GRM7: variants seen among roughly 807,000 people sequenced by gnomAD.
GRM7 encodes metabotropic glutamate receptor 7.
GRM7 carries 35 observed loss-of-function variants against 84.5 expected under a neutral mutation model. That is an observed-to-expected ratio of 0.41 (90% CI 0.32 to 0.55). The LOEUF is 0.55. Among genes scored for constraint, GRM7 ranks in the 20% least tolerant of loss-of-function variants. The pLI, the probability that GRM7 is intolerant of heterozygous loss-of-function variation, is 0.19. For missense variants in GRM7, 1,003 were observed against 1,194.6 expected, an observed-to-expected ratio of 0.84 and a Z score of 2.36; for synonymous variants, 487 against 455.1, an observed-to-expected ratio of 1.07 and a Z score of -0.89.
At chr3:7,413,932 A>G (rs553617371) in intron 4 of GRM7, among the ~76,000 whole-genome samples, 2 of 152,192 alleles carry the variant, frequency 1.3e-5, no homozygotes, top group East Asian at 3.9e-4. Context: ...TTCCCACCAA[A>G]ATGTGAAACT....
chr3:7,561,678 T>C (rs959366517), intron 7 of GRM7: 12 of 385,240 alleles, frequency 3.1e-5, no homozygotes, highest in Admixed American at 2.9e-4. Flanking sequence ...ATTTGTCTAA[T>C]TCTCTGAAGT....
chr3:7,666,567 G>A (rs1006320897), intron 8 of GRM7, among the ~76,000 whole-genome samples: 3 of 152,120 alleles, frequency 2.0e-5, no homozygotes, highest in Non-Finnish European at 2.9e-5. Flanking sequence ...TCCTCTGCAC[G>A]ATGCAAGTCC....
At chr3:7,332,771 C>T (rs1380560085) in intron 4 of GRM7, among the ~76,000 whole-genome samples, 1 of 152,178 alleles carries the variant, frequency 6.6e-6, no homozygotes, top group Non-Finnish European at 1.5e-5. Context: ...CTGCTGCAAG[C>T]TCTGTGAGAC....
chr3:6,973,287 T>C (rs1028038974), intron 1 of GRM7, among the ~76,000 whole-genome samples: 1 of 152,138 alleles, frequency 6.6e-6, no homozygotes, highest in African/African-American at 2.4e-5. Flanking sequence ...CTTTCTTTCA[T>C]TGAGCAACTC....
chr3:7,737,671 T>A (rs1702549846), intron 9 of GRM7, among the ~76,000 whole-genome samples: 2 of 152,204 alleles, frequency 1.3e-5, no homozygotes, highest in South Asian at 4.1e-4. Flanking sequence ...TTCATTATAA[T>A]TTTGGGGCAA....
intron 1 of GRM7, among the ~76,000 whole-genome samples, chr3:7,064,479 T>TATATATGTATATATATATATATATATAC: frequency 1.0e-5 from 1 of 99,382 alleles, no homozygotes; most frequent in African/African-American, 3.9e-5. Context: ...TATATATATA[T>TATATATGTATATATATATATATATATAC]ACACACATAT....
intron 1 of GRM7, among the ~76,000 whole-genome samples, chr3:7,054,295 G>T (rs1264099774): frequency 6.8e-6 from 1 of 148,038 alleles, no homozygotes; most frequent in Non-Finnish European, 1.5e-5. Context: ...TAAAAGATAA[G>T]ATTAAAATAT....
At chr3:7,439,141 TG>T (rs1430638342) in intron 5 of GRM7, among the ~76,000 whole-genome samples, 1 of 152,188 alleles carries the variant, frequency 6.6e-6, no homozygotes, top group East Asian at 1.9e-4. Flanking sequence ...ACGTGAACAC[TG>T]TTGGAATAAA....
chr3:7,271,217 G>A (rs557686261), intron 2 of GRM7, among the ~76,000 whole-genome samples: 1 of 152,280 alleles, frequency 6.6e-6, no homozygotes, highest in African/African-American at 2.4e-5. Context: ...GTTTTAAAAT[G>A]CAGTTTGAAG....
chr3:7,425,940 A>G (rs553300852), intron 5 of GRM7, among the ~76,000 whole-genome samples: 11 of 152,208 alleles, frequency 7.2e-5, no homozygotes, highest in South Asian at 4.1e-4. Context: ...CACCGAGTAT[A>G]TATCAATAGA....
intron 4 of GRM7, among the ~76,000 whole-genome samples, chr3:7,382,743 C>A (rs1694639279): frequency 6.6e-6 from 1 of 152,140 alleles, no homozygotes; most frequent in Admixed American, 6.6e-5. Flanking sequence ...TATGGGTAAC[C>A]TAAAACAACA....
chr3:7,156,639 A>T (rs1375950997), intron 2 of GRM7, among the ~76,000 whole-genome samples: 1 of 152,224 alleles, frequency 6.6e-6, no homozygotes, highest in East Asian at 1.9e-4. Context: ...TACAAAAAAC[A>T]ACTTCAGCCT....
chr3:7,183,391 C>T (rs1200139643), intron 2 of GRM7, among the ~76,000 whole-genome samples: 1 of 152,132 alleles, frequency 6.6e-6, no homozygotes, highest in Non-Finnish European at 1.5e-5. Context: ...CTTTGGGAGG[C>T]TGAGGCGGGT....
intron 8 of GRM7, among the ~76,000 whole-genome samples, chr3:7,617,989 C>T (rs1042918396): frequency 8.5e-5 from 13 of 152,064 alleles, no homozygotes; most frequent in African/African-American, 3.1e-4. Flanking sequence ...ATCTCTTAAA[C>T]CCTCTTGTGC....
At chr3:7,234,487 T>A (rs1697288726) in intron 2 of GRM7, among the ~76,000 whole-genome samples, 1 of 152,200 alleles carries the variant, frequency 6.6e-6, no homozygotes, top group Non-Finnish European at 1.5e-5. Context: ...AAGATAATGT[T>A]TATGAAGTTC....
At chr3:7,332,274 G>C (rs1399910271) in intron 4 of GRM7, among the ~76,000 whole-genome samples, 1 of 152,152 alleles carries the variant, frequency 6.6e-6, no homozygotes. Context: ...TTTGTGTGGG[G>C]AGAGGAGGAG....
chr3:7,581,857 T>G (rs1559418678), intron 8 of GRM7, among the ~76,000 whole-genome samples: 1 of 139,946 alleles, frequency 7.1e-6, no homozygotes, highest in African/African-American at 2.5e-5. Flanking sequence ...GTTCTTTTCC[T>G]TATTTTTTTT....
chr3:6,906,071 A>G (rs1160097998), intron 1 of GRM7, among the ~76,000 whole-genome samples: 1 of 152,128 alleles, frequency 6.6e-6, no homozygotes, highest in African/African-American at 2.4e-5. Context: ...AACTGGGAAC[A>G]TTTTTCTCCT....
chr3:7,530,984 C>G (rs993724280), intron 7 of GRM7, among the ~76,000 whole-genome samples: 2 of 152,138 alleles, frequency 1.3e-5, no homozygotes, highest in Non-Finnish European at 2.9e-5. Context: ...GCTTTTGTTG[C>G]AATTACTTTT....
Sources: allele counts gnomAD v4.1 joint callset (sites outside exome capture counted in the v4.1 genomes callset), GRCh38; gene constraint gnomAD v4.1.1; transcripts MANE v1.5; gene names NCBI Gene and HGNC (gene_info 2026-07-23, HGNC 2026-07-21).